XYLT1: variants seen among roughly 807,000 people sequenced by gnomAD.
XYLT1 encodes beta-D-xylosyltransferase 1.
In XYLT1, 36 loss-of-function variants were observed where a neutral mutation model predicts 91.3. That is an observed-to-expected ratio of 0.39 (90% confidence interval 0.30 to 0.52). The LOEUF is 0.52. Ranked by LOEUF, XYLT1 falls within the 20% of genes least tolerant of loss-of-function variation. XYLT1 has a pLI of 0.68. For synonymous variants in XYLT1, 588 were observed against 532.0 expected (o/e 1.11, Z -1.45); for missense variants, 1,242 against 1,284.5 (o/e 0.97, Z 0.51).
intron 10 of XYLT1, among the ~76,000 whole-genome samples, chr16:17,122,028 A>AT (rs1001277841): frequency 1.7e-4 from 26 of 151,944 alleles, no homozygotes; most frequent in South Asian, 4.2e-4. Flanking sequence ...GGCTGCTTCC[A>AT]TTTTTTTTGC....
rs565463956 is a variant in XYLT1, at chr16:17,268,157, C to T, written c.403-8659G>A. Among the ~76,000 whole-genome samples the T allele has an allele frequency of 2.1e-3, 314 of 152,286 alleles. 3 individuals carry two copies. Among genetic ancestry groups the T allele is most frequent in the South Asian group, 1.4e-3 (7 of 4,830 alleles). The stretch of plus-strand genomic sequence containing the variant: ...AGAAACTCCACTGCACGTCATACTG[C>T]ATCAGAAATCAGAAGCAAATGTGAG... On this transcript the variant is annotated intron_variant, in intron 2 of 11. Coordinates refer to ENST00000261381, the MANE Select transcript of XYLT1 (RefSeq NM_022166.4).
At chr16:17,184,195 T>C (rs2032131210) in intron 5 of XYLT1, among the ~76,000 whole-genome samples, 1 of 150,376 alleles carries the variant, frequency 6.6e-6, no homozygotes, top group African/African-American at 2.5e-5. Context: ...CTTTTTTTTT[T>C]TTTTTTTTTT....
chr16:17,230,735 C>T (rs1025723591), intron 3 of XYLT1, among the ~76,000 whole-genome samples: 4 of 152,172 alleles, frequency 2.6e-5, no homozygotes, highest in Non-Finnish European at 5.9e-5. Context: ...TTTCATCCTC[C>T]GGTCCCTTCA....
intron 9 of XYLT1, among the ~76,000 whole-genome samples, 159 bp downstream of exon 9, chr16:17,134,314 G>A (rs1015358080): frequency 2.0e-5 from 3 of 152,176 alleles, no homozygotes; most frequent in African/African-American, 7.2e-5. Flanking sequence ...ACGCACGCTA[G>A]GAGGGTGGCG....
At chr16:17,153,143 C>CGATG (rs1431615821) in intron 6 of XYLT1, among the ~76,000 whole-genome samples, 2 of 152,200 alleles carry the variant, frequency 1.3e-5, no homozygotes, top group Admixed American at 6.5e-5. Context: ...TTGTGATCAT[C>CGATG]ATCAACTTAA....
At chr16:17,355,478 T>C (rs2141860107) in intron 2 of XYLT1, 1 of 152,256 alleles carries the variant, frequency 6.6e-6, no homozygotes, top group African/African-American at 2.4e-5. Context: ...AGTTCTCTCA[T>C]AGTCCCTGGG....
intron 5 of XYLT1, among the ~76,000 whole-genome samples, chr16:17,183,673 T>C (rs1765345768): frequency 6.6e-6 from 1 of 152,166 alleles, no homozygotes; most frequent in Non-Finnish European, 1.5e-5. Context: ...CTATGCACAG[T>C]AAGTAGTCAA....
chr16:17,131,550 G>A (rs540441678), intron 9 of XYLT1, among the ~76,000 whole-genome samples: 57 of 152,280 alleles, frequency 3.7e-4, no homozygotes, highest in African/African-American at 1.3e-3. Context: ...CTAGTGCTTC[G>A]TGCCTGCCCC....
intron 9 of XYLT1, among the ~76,000 whole-genome samples, chr16:17,128,814 A>G (rs1290700864): frequency 1.3e-5 from 2 of 152,198 alleles, no homozygotes; most frequent in African/African-American, 4.8e-5. Flanking sequence ...AGTTTGGTAT[A>G]TTTCCTACTT....
At chr16:17,387,960 A>G (rs111682661) in intron 1 of XYLT1, among the ~76,000 whole-genome samples, 3 of 152,326 alleles carry the variant, frequency 2.0e-5, no homozygotes, top group African/African-American at 7.2e-5. Context: ...ACCATGACTC[A>G]GTATCTTAGA....
chr16:17,390,164 G>A (rs1203549975), intron 1 of XYLT1, among the ~76,000 whole-genome samples: 3 of 152,160 alleles, frequency 2.0e-5, no homozygotes. Flanking sequence ...TCCATTAGCA[G>A]AAACAAACTC....
rs140307009 is a variant in XYLT1 at position 17,200,371 on chromosome 16, C to G, written c.1086+111G>C. 4.2e-5 allele frequency: 58 copies of G among 1,394,260 alleles called. No individual in the cohort carries two copies. In the African/African-American group the frequency reaches 8.1e-4, roughly 19 times the overall value. 86.4% of individuals were successfully genotyped at this position (1,394,260 alleles called of 1,614,324 possible). ...GAGAGGCAGCTGGTCAGCTTCCAAG[C>G]CTTTTCTGAAAGCAGGCAGTCTGGA... On this transcript the variant is annotated intron_variant, in intron 4 of 11. Coordinates refer to ENST00000261381, the MANE Select transcript of XYLT1 (RefSeq NM_022166.4).
chr16:17,124,200 A>G (rs184809964), intron 10 of XYLT1, among the ~76,000 whole-genome samples: 2 of 152,178 alleles, frequency 1.3e-5, no homozygotes, highest in Non-Finnish European at 2.9e-5. Context: ...GGTTTGTTTC[A>G]TTGTGTTGTT....
At chr16:17,431,972 G>A (rs2036397746) in intron 1 of XYLT1, among the ~76,000 whole-genome samples, 1 of 152,122 alleles carries the variant, frequency 6.6e-6, no homozygotes, top group Non-Finnish European at 1.5e-5. Context: ...TTTCCTGTGT[G>A]TTATCAAGGC....
chr16:17,249,811 G>A (rs1031052636), intron 3 of XYLT1: 1 of 151,986 alleles, frequency 6.6e-6, no homozygotes, highest in Non-Finnish European at 1.5e-5. Flanking sequence ...CGGGATTACA[G>A]ACATGTGCCA....
At chr16:17,434,169 C>T (rs561429046) in intron 1 of XYLT1, among the ~76,000 whole-genome samples, 6 of 152,302 alleles carry the variant, frequency 3.9e-5, no homozygotes, top group East Asian at 3.9e-4. Flanking sequence ...CAGAAACTCC[C>T]GCCTCTGCCC....
intron 1 of XYLT1, among the ~76,000 whole-genome samples, chr16:17,468,341 G>A (rs144142105): frequency 2.6e-5 from 4 of 152,060 alleles, no homozygotes; most frequent in South Asian, 2.1e-4. Context: ...ATGGTAGACA[G>A]CCACCAAGAA....
intron 3 of XYLT1, among the ~76,000 whole-genome samples, chr16:17,224,720 A>G (rs1469084827): frequency 6.6e-6 from 1 of 152,200 alleles, no homozygotes; most frequent in East Asian, 1.9e-4. Flanking sequence ...TCTGTTATAC[A>G]CAATTACAAA....
intron 3 of XYLT1, among the ~76,000 whole-genome samples, chr16:17,230,908 C>T (rs753505408): frequency 5.9e-5 from 9 of 152,114 alleles, no homozygotes; most frequent in African/African-American, 1.2e-4. Flanking sequence ...CCTAGTAAGT[C>T]GAGGCCAAAG....
Sources: gnomAD v4.1 joint callset for allele counts (sites outside exome capture counted in the v4.1 genomes callset) on GRCh38, gnomAD v4.1.1 for gene constraint, MANE v1.5 for transcripts, NCBI Gene and HGNC (gene_info 2026-07-23, HGNC 2026-07-21) for gene names.